Variants in CNNM2 observed in about 807,000 individuals in gnomAD.
CNNM2 encodes metal transporter CNNM2.
A neutral mutation model predicts 66.9 loss-of-function variants in CNNM2; 12 were observed. The ratio of observed to expected loss-of-function variants is 0.18; its 90% CI spans 0.11 to 0.29. CNNM2 has a LOEUF of 0.29. CNNM2 is among the 10% of genes least tolerant of loss of function. The pLI, the probability that CNNM2 is intolerant of heterozygous loss-of-function variation, is 1.00. For synonymous variants in CNNM2, 557 were observed against 501.8 expected, an observed-to-expected ratio of 1.11 and a Z score of -1.47; for missense variants, 705 against 1,167.7, an observed-to-expected ratio of 0.60 and a Z score of 5.77.
At chr10:102,993,980 A>G (rs1284328582) in intron 1 of CNNM2, among the ~76,000 whole-genome samples, 3 of 152,130 alleles carry the variant, frequency 2.0e-5, no homozygotes, top group Admixed American at 6.6e-5. Context: ...TCTGTCACCC[A>G]GGCTGGAGTA....
chr10:102,954,104 T>A (rs1170482459), intron 1 of CNNM2, among the ~76,000 whole-genome samples: 1 of 150,746 alleles, frequency 6.6e-6, no homozygotes, highest in Non-Finnish European at 1.5e-5. Flanking sequence ...TGTAACATTG[T>A]ATTTTTCTTT....
intron 6 of CNNM2, among the ~76,000 whole-genome samples, chr10:103,074,560 C>T (rs563492062): frequency 7.9e-5 from 12 of 151,806 alleles, no homozygotes; most frequent in South Asian, 2.1e-4. Context: ...TGGCCAGGCA[C>T]GGTGGCTCAC....
At chr10:103,035,458 C>T (rs187059579) in intron 1 of CNNM2, among the ~76,000 whole-genome samples, 9 of 152,158 alleles carry the variant, frequency 5.9e-5, no homozygotes, top group African/African-American at 1.9e-4. Context: ...AGATGCCCAG[C>T]ATGCCTCACT....
chr10:103,039,643 G>T (rs892967959), intron 1 of CNNM2, among the ~76,000 whole-genome samples: 21 of 152,168 alleles, frequency 1.4e-4, no homozygotes, highest in Non-Finnish European at 2.9e-4. Flanking sequence ...AGTAATGTGG[G>T]TATAGAGTCC....
Position 103,024,957 on chromosome 10 carries a change from T to C in CNNM2, c.1622-24750T>C, listed in dbSNP as rs150204666. Among the ~76,000 whole-genome samples, 547 of 152,342 alleles carry C rather than the reference T, an allele frequency of 3.6e-3. 4 individuals are homozygous for C. Among genetic ancestry groups the C allele is most frequent in the African/African-American group, 0.013 (534 of 41,580 alleles). ...TTAAACACCTTCATCAGTAATACTT[T>C]ATAAAGGATGAAATATATTTTGGTG... is the stretch of plus-strand genomic sequence containing the variant. On this transcript the variant is annotated intron_variant, in intron 1 of 7. Transcript: ENST00000369878.
intron 7 of CNNM2, among the ~76,000 whole-genome samples, chr10:103,076,555 T>G (rs2065694438): frequency 6.6e-6 from 1 of 152,316 alleles, no homozygotes; most frequent in African/African-American, 2.4e-5. Flanking sequence ...TAGCCCCTTT[T>G]CAAAGAGCTC....
At chr10:102,957,881 G>A (rs1847104917) in intron 1 of CNNM2, among the ~76,000 whole-genome samples, 1 of 152,326 alleles carries the variant, frequency 6.6e-6, no homozygotes, top group South Asian at 2.1e-4. Context: ...GTACTAAAGG[G>A]CAGTTGCTGT....
At chr10:103,024,613 G>A (rs1398102096) in intron 1 of CNNM2, among the ~76,000 whole-genome samples, 1 of 151,998 alleles carries the variant, frequency 6.6e-6, no homozygotes, top group Admixed American at 6.6e-5. Flanking sequence ...CGAGCAGCTG[G>A]GACTGCAGGT....
At chr10:103,036,777 G>A (rs937559389) in intron 1 of CNNM2, among the ~76,000 whole-genome samples, 1 of 152,176 alleles carries the variant, frequency 6.6e-6, no homozygotes, top group Non-Finnish European at 1.5e-5. Context: ...CGTTTAGTGA[G>A]CTTTTTAAAT....
At chr10:103,006,237 G>A (rs1301599041) in intron 1 of CNNM2, among the ~76,000 whole-genome samples, 13 of 149,960 alleles carry the variant, frequency 8.7e-5, no homozygotes, top group Non-Finnish European at 1.9e-4. Context: ...GATGGAGTCT[G>A]GCTTTGTCAT....
chr10:102,990,826 C>T (rs563888776), intron 1 of CNNM2, among the ~76,000 whole-genome samples: 5 of 152,238 alleles, frequency 3.3e-5, no homozygotes, highest in South Asian at 2.1e-4. Context: ...GAATGGTTGA[C>T]GGTGTGGAAC....
rs2063584830 is a variant in CNNM2, at chr10:102,973,840, A to G, written c.1621+53739A>G. Among the ~76,000 whole-genome samples, 3 of 134,566 alleles carry G rather than the reference A, an allele frequency of 2.2e-5. No homozygotes were observed. The Admixed American group carries it at 2.2e-4, about 10-fold the overall frequency. The allele number at this position is 134,566 out of a possible 152,430, so 88.3% of individuals were successfully genotyped here. On this transcript the variant is annotated intron_variant, in intron 1 of 7. Coordinates refer to ENST00000369878, the MANE Select transcript of CNNM2 (RefSeq NM_017649.5). ...TTCCCCCCCCCCCTTTTTTAAAACAACATCATCTTGTATTTACTTATTGAA... is the reference window on the plus strand; with the variant it reads ...TTCCCCCCCCCCCTTTTTTAAAACAGCATCATCTTGTATTTACTTATTGAA...
At chr10:102,996,534 G>A (rs1480002494) in intron 1 of CNNM2, among the ~76,000 whole-genome samples, 1 of 152,172 alleles carries the variant, frequency 6.6e-6, no homozygotes, top group African/African-American at 2.4e-5. Context: ...GGGAGACCTT[G>A]TCTCTACAAA....
chr10:102,977,505 T>A (rs1347058767), intron 1 of CNNM2, among the ~76,000 whole-genome samples: 8 of 152,180 alleles, frequency 5.3e-5, no homozygotes, highest in Non-Finnish European at 1.2e-4. Flanking sequence ...TCCTTAAGTT[T>A]CCTTGTGAAA....
chr10:103,056,931 C>T lies in CNNM2; in HGVS notation c.2040C>T (p.Asn680=). 3.7e-6 allele frequency: 6 copies of T among 1,613,420 alleles called. No individual in the cohort carries two copies. The highest frequency in any genetic ancestry group is 5.1e-6 in the Non-Finnish European group (6 of 1,179,750). The stretch of plus-strand genomic sequence containing the variant: ...CCGAATACTACCTCTACCAGCGCAA[C>T]AAGCCAGTAGACTACTTCGTTCTCA... ...KAPEYYLYQR[N]KPVDYFVLIL... The change falls in exon 4 of 8, where the codon AAC becomes AAT. Residue 680 remains asparagine, a synonymous_variant. Transcript: ENST00000369878.
intron 1 of CNNM2, among the ~76,000 whole-genome samples, chr10:102,926,206 A>G (rs928257602): frequency 6.6e-6 from 1 of 152,196 alleles, no homozygotes; most frequent in Non-Finnish European, 1.5e-5. Flanking sequence ...AGTTTTAACA[A>G]ATAATATAAG....
chr10:102,941,042 C>T (rs187968246), intron 1 of CNNM2, among the ~76,000 whole-genome samples: 3 of 151,904 alleles, frequency 2.0e-5, no homozygotes, highest in Non-Finnish European at 4.4e-5. Flanking sequence ...CTGGGTGATA[C>T]AGAATGTGTG....
At chr10:102,975,200 A>G (rs992028616) in intron 1 of CNNM2, among the ~76,000 whole-genome samples, 1 of 152,174 alleles carries the variant, frequency 6.6e-6, no homozygotes, top group Non-Finnish European at 1.5e-5. Flanking sequence ...GTTTTAGAGG[A>G]TATAAAAATG....
intron 2 of CNNM2, among the ~76,000 whole-genome samples, chr10:103,053,921 C>T (rs551403490): frequency 6.6e-6 from 1 of 152,328 alleles, no homozygotes; most frequent in South Asian, 2.1e-4. Flanking sequence ...TGTGTGTACA[C>T]AGTGGTGGTC....
Sources: gnomAD v4.1 joint callset for allele counts (sites outside exome capture counted in the v4.1 genomes callset) on GRCh38, gnomAD v4.1.1 for gene constraint, MANE v1.5 for transcripts, NCBI Gene and HGNC (gene_info 2026-07-23, HGNC 2026-07-21) for gene names.